Variants in TRPC4 observed in about 807,000 individuals in gnomAD.
TRPC4 encodes transient receptor potential cation channel subfamily C member 4, also known as short transient receptor potential channel 4.
In TRPC4, 49 loss-of-function variants were observed where a neutral mutation model predicts 99.4. The ratio of observed to expected loss-of-function variants is 0.49; its 90% CI spans 0.39 to 0.63. The LOEUF (loss-of-function observed/expected upper bound fraction) is 0.63, where lower values mean the gene tolerates loss of function less well. Among genes scored for constraint, TRPC4 ranks in the 20% least tolerant of loss-of-function variants. The pLI is 0.00. For missense variants in TRPC4, 898 were observed against 1,152.9 expected (o/e 0.78, Z 3.20); for synonymous variants, 454 against 425.9 (o/e 1.07, Z -0.81).
At chr13:37,753,368 A>T (rs1224603068) in intron 2 of TRPC4, among the ~76,000 whole-genome samples, 1 of 152,138 alleles carries the variant, frequency 6.6e-6, no homozygotes, top group Non-Finnish European at 1.5e-5. Flanking sequence ...TTTAGCCAGG[A>T]GAATAATGGA....
chr13:37,707,620 A>T (rs1487560714), intron 3 of TRPC4, among the ~76,000 whole-genome samples: 3 of 152,122 alleles, frequency 2.0e-5, no homozygotes, highest in Non-Finnish European at 4.4e-5. Context: ...ACTAATATCC[A>T]TTCCAACTCC....
At chr13:37,686,918 T>C (rs1187777943) in intron 4 of TRPC4, among the ~76,000 whole-genome samples, 1 of 152,148 alleles carries the variant, frequency 6.6e-6, no homozygotes, top group Non-Finnish European at 1.5e-5. Context: ...GCAAAGTATT[T>C]CCTGCTGTAT....
chr13:37,837,251 G>T (rs1381933641), intron 1 of TRPC4, among the ~76,000 whole-genome samples: 1 of 152,252 alleles, frequency 6.6e-6, no homozygotes, highest in African/African-American at 2.4e-5. Context: ...CCCACACAGA[G>T]TCCCTACCAG....
intron 3 of TRPC4, among the ~76,000 whole-genome samples, chr13:37,705,720 G>A (rs1175512164): frequency 1.3e-5 from 2 of 152,044 alleles, no homozygotes. Flanking sequence ...ATATTTACCT[G>A]CATCTTTCTC....
At chr13:37,745,770 C>T (rs1955756691) in intron 3 of TRPC4, among the ~76,000 whole-genome samples, 167 bp downstream of exon 3, 1 of 151,900 alleles carries the variant, frequency 6.6e-6, no homozygotes, top group South Asian at 2.1e-4. Flanking sequence ...TTTATTACCA[C>T]TCTTCAATGT....
chr13:37,825,189 G>A (rs1958165020), intron 1 of TRPC4, among the ~76,000 whole-genome samples: 1 of 151,898 alleles, frequency 6.6e-6, no homozygotes, highest in Non-Finnish European at 1.5e-5. Context: ...CTTGCTAGTG[G>A]TCTATCTATT....
chr13:37,863,694 G>A (rs1256838761), intron 1 of TRPC4, among the ~76,000 whole-genome samples: 5 of 151,562 alleles, frequency 3.3e-5, no homozygotes, highest in Non-Finnish European at 7.4e-5. Flanking sequence ...CATAAATCAT[G>A]ATAGATTCTC....
At chr13:37,850,503 A>C (rs1250966235) in intron 1 of TRPC4, among the ~76,000 whole-genome samples, 1 of 152,230 alleles carries the variant, frequency 6.6e-6, no homozygotes, top group Non-Finnish European at 1.5e-5. Context: ...CACTGGCTAA[A>C]GATTCTAAAA....
chr13:37,731,953 T>C (rs574840262), intron 3 of TRPC4, among the ~76,000 whole-genome samples: 1 of 152,194 alleles, frequency 6.6e-6, no homozygotes, highest in African/African-American at 2.4e-5. Flanking sequence ...TCCTCACCAA[T>C]GGTCAAGTTA....
rs1375733463 is a variant in TRPC4 at position 37,692,155 on chromosome 13, T to C, written c.1078A>G (p.Arg360Gly). ...APKSPLGLFI[R>G]KPFIKFICHT... ...CAGATAAACTTGATAAATGGCTTCC[T>C]GATGAACAGTCCAAGTGGGCTTTTG... Residue 360 changes from arginine (R) to glycine (G), a missense_variant, in exon 4 of 11, where the codon AGG becomes GGG. Physicochemically the swap from Arg to Gly is moderately radical, Grantham distance 125. This residue lies in a region of TRPC4 where 274 missense variants were observed against 454.9 expected (regional missense o/e 0.60). Coordinates refer to ENST00000379705, the MANE Select transcript of TRPC4 (RefSeq NM_016179.4). 1 of 1,614,006 alleles carries C rather than the reference T, an allele frequency of 6.2e-7. No individual in the cohort carries two copies. Among genetic ancestry groups the C allele is most frequent in the Admixed American group, 1.7e-5 (1 of 59,996 alleles).
intron 3 of TRPC4, among the ~76,000 whole-genome samples, chr13:37,703,037 CTTAGTAAAGAAT>C (rs1284898564): frequency 6.6e-6 from 1 of 152,000 alleles, no homozygotes; most frequent in East Asian, 1.9e-4. Flanking sequence ...GCACTGTACC[CTTAGTAAAGAAT>C]TCCAGGGATG....
intron 1 of TRPC4, among the ~76,000 whole-genome samples, chr13:37,835,928 T>G (rs1296443230): frequency 6.6e-6 from 1 of 152,224 alleles, no homozygotes; most frequent in Non-Finnish European, 1.5e-5. Context: ...GGTTTGGCTC[T>G]GCCCCCACAC....
chr13:37,701,164 A>AAGAGTTAT (rs1205480861), intron 3 of TRPC4, among the ~76,000 whole-genome samples: 1 of 152,186 alleles, frequency 6.6e-6, no homozygotes, highest in African/African-American at 2.4e-5. Context: ...AAGGGACAAA[A>AAGAGTTAT]AGAGTTATAG....
chr13:37,695,660 G>A (rs780678633), intron 3 of TRPC4, among the ~76,000 whole-genome samples: 4 of 152,114 alleles, frequency 2.6e-5, no homozygotes, highest in Non-Finnish European at 4.4e-5. Flanking sequence ...TATAAAAGAC[G>A]CTGTGAAAAC....
At chr13:37,859,286 T>C (rs1234311317) in intron 1 of TRPC4, among the ~76,000 whole-genome samples, 1 of 151,306 alleles carries the variant, frequency 6.6e-6, no homozygotes, top group Admixed American at 6.6e-5. Flanking sequence ...ACATCTTTAT[T>C]TGGAGGTCTT....
chr13:37,814,452 T>G (rs1957787326), intron 1 of TRPC4, among the ~76,000 whole-genome samples: 1 of 151,832 alleles, frequency 6.6e-6, no homozygotes, highest in South Asian at 2.1e-4. Context: ...GACTAATGAA[T>G]GGATTCAGTA....
chr13:37,658,936 T>C (rs2985169), intron 6 of TRPC4, among the ~76,000 whole-genome samples: 56,336 of 151,514 alleles, frequency 0.37, 10,863 homozygotes, highest in African/African-American at 0.44. Context: ...AGGTAGGATT[T>C]GGAAAAAAAA....
intron 4 of TRPC4, among the ~76,000 whole-genome samples, chr13:37,682,892 C>CT (rs1953298162): frequency 6.7e-6 from 1 of 149,824 alleles, no homozygotes; most frequent in Admixed American, 6.7e-5. Context: ...GGAGCAAGGA[C>CT]TAGAGGCACA....
intron 3 of TRPC4, among the ~76,000 whole-genome samples, chr13:37,742,010 CAACTT>C (rs1474692722): frequency 6.6e-6 from 1 of 150,398 alleles, no homozygotes; most frequent in African/African-American, 2.4e-5. Flanking sequence ...ACCATGTAAA[CAACTT>C]AACCCAGTTG....
Sources: allele counts gnomAD v4.1 joint callset (sites outside exome capture counted in the v4.1 genomes callset), GRCh38; gene constraint gnomAD v4.1.1; regional missense constraint gnomAD v4.1.1; transcripts MANE v1.5; gene names NCBI Gene and HGNC (gene_info 2026-07-23, HGNC 2026-07-21).